ZPBP: variants seen among roughly 807,000 people sequenced by gnomAD.
ZPBP encodes the protein zona pellucida-binding protein 1.
ZPBP carries 26 observed loss-of-function variants against 44.8 expected under a neutral mutation model. The ratio of observed to expected loss-of-function variants is 0.58; its 90% CI spans 0.43 to 0.81. The LOEUF is 0.81. Ranked by LOEUF, ZPBP falls within the 30% of genes least tolerant of loss-of-function variation. ZPBP has a pLI of 0.00. For synonymous variants in ZPBP, 174 were observed against 153.2 expected (o/e 1.14, Z -1.00); for missense variants, 409 against 434.0 (o/e 0.94, Z 0.51).
At chr7:49,913,485 A>G (rs1317705036) in intron 1 of ZPBP, 3 of 152,214 alleles carry the variant, frequency 2.0e-5, no homozygotes. Context: ...TATAATCACT[A>G]TTAATGTCTT....
chr7:49,938,785 T>C (rs760757406), intron 7 of ZPBP, among the ~76,000 whole-genome samples: 1 of 152,202 alleles, frequency 6.6e-6, no homozygotes, highest in Admixed American at 6.5e-5. Context: ...GGAATGTTTA[T>C]TATGGGCCAT....
intron 1 of ZPBP, among the ~76,000 whole-genome samples, chr7:49,929,082 C>T (rs774058510): frequency 6.6e-6 from 1 of 152,200 alleles, no homozygotes; most frequent in Non-Finnish European, 1.5e-5. Context: ...CTCCAAGCCT[C>T]ATCCAAAATT....
At chr7:50,022,491 G>C (rs1799145413) in intron 5 of ZPBP, among the ~76,000 whole-genome samples, 1 of 151,640 alleles carries the variant, frequency 6.6e-6, no homozygotes, top group African/African-American at 2.4e-5. Flanking sequence ...ATAGTTCTCA[G>C]GTTAGCCACC....
At chr7:50,009,263 T>G (rs1478677279) in intron 6 of ZPBP, among the ~76,000 whole-genome samples, 1 of 149,560 alleles carries the variant, frequency 6.7e-6, no homozygotes, top group Admixed American at 6.6e-5. Flanking sequence ...ACATACTGAT[T>G]GGGTATGTTT....
intron 7 of ZPBP, chr7:49,943,128 GT>G: frequency 6.0e-6 from 2 of 332,058 alleles, no homozygotes; most frequent in Middle Eastern, 5.6e-4. Flanking sequence ...AAGTCAGTAA[GT>G]TACTCCACCC....
intron 2 of ZPBP, among the ~76,000 whole-genome samples, chr7:49,888,993 C>A (rs947070191): frequency 3.3e-5 from 5 of 152,156 alleles, no homozygotes; most frequent in Non-Finnish European, 7.3e-5. Flanking sequence ...GGGGATGACC[C>A]ATTGGGCTGA....
chr7:49,985,930 C>A (rs865884521), intron 6 of ZPBP, among the ~76,000 whole-genome samples: 1 of 152,150 alleles, frequency 6.6e-6, no homozygotes, highest in Non-Finnish European at 1.5e-5. Flanking sequence ...GTGTGGTGAC[C>A]TGGTATGCAA....
chr7:49,948,425 T>C (rs569444385), intron 7 of ZPBP, among the ~76,000 whole-genome samples: 3 of 152,148 alleles, frequency 2.0e-5, no homozygotes, highest in Admixed American at 2.0e-4. Flanking sequence ...TTATCAAATA[T>C]AGTGAAAAGG....
At chr7:50,018,179 T>C in intron 6 of ZPBP, 61 bp downstream of exon 6, 2 of 1,241,850 alleles carry the variant, frequency 1.6e-6, no homozygotes, top group Non-Finnish European at 2.4e-6. Flanking sequence ...GGATGCTTAC[T>C]TACACATGGG....
intron 2 of ZPBP, among the ~76,000 whole-genome samples, chr7:50,083,604 T>C (rs1802480967): frequency 6.6e-6 from 1 of 151,880 alleles, no homozygotes; most frequent in Admixed American, 6.6e-5. Context: ...TACTGAGATA[T>C]ATTAACATTT....
intron 1 of ZPBP, chr7:49,914,852 C>G (rs1281113327): frequency 6.6e-6 from 1 of 152,078 alleles, no homozygotes; most frequent in African/African-American, 2.4e-5. Context: ...GAAAAGGGGG[C>G]CTCAGAATTC....
chr7:49,955,842 C>A (rs1795567018), intron 7 of ZPBP, among the ~76,000 whole-genome samples: 1 of 152,014 alleles, frequency 6.6e-6, no homozygotes, highest in African/African-American at 2.4e-5. Flanking sequence ...TAAGAGAACA[C>A]TATGATCAAT....
chr7:49,958,333 T>C (rs937133849), intron 7 of ZPBP, among the ~76,000 whole-genome samples: 1 of 152,182 alleles, frequency 6.6e-6, no homozygotes, highest in Non-Finnish European at 1.5e-5. Context: ...GAGAAAAACA[T>C]GAATTTTTGG....
intron 2 of ZPBP, among the ~76,000 whole-genome samples, chr7:49,873,948 A>C (rs1014677701): frequency 6.6e-6 from 1 of 152,054 alleles, no homozygotes; most frequent in African/African-American, 2.4e-5. Context: ...CAGTATTAGT[A>C]TGATACATTT....
chr7:50,085,196 GA>G (rs1802575015), intron 2 of ZPBP, among the ~76,000 whole-genome samples: 3 of 152,090 alleles, frequency 2.0e-5, no homozygotes, highest in African/African-American at 7.2e-5. Context: ...GAGTGATAGG[GA>G]AAAGATGGCA....
chr7:49,861,794 C>T (rs1465248553), intron 2 of ZPBP, among the ~76,000 whole-genome samples: 1 of 152,172 alleles, frequency 6.6e-6, no homozygotes, highest in Non-Finnish European at 1.5e-5. Flanking sequence ...TGTCAAAAAT[C>T]AGTTGGATGC....
chr7:50,069,817 TC>T (rs1466227493), intron 3 of ZPBP, among the ~76,000 whole-genome samples: 1 of 151,998 alleles, frequency 6.6e-6, no homozygotes, highest in East Asian at 1.9e-4. Context: ...GAACGTGCCT[TC>T]CCCTGTCATA....
intron 7 of ZPBP, among the ~76,000 whole-genome samples, chr7:49,968,778 TTAA>T (rs998079540): frequency 1.2e-4 from 19 of 152,040 alleles, no homozygotes; most frequent in African/African-American, 4.6e-4. Context: ...ATAGTAATTA[TTAA>T]TAATTACTGT....
chr7:50,081,641 A>G, intron 3 of ZPBP, 133 bp downstream of exon 3: 1 of 1,131,198 alleles, frequency 8.8e-7, no homozygotes, highest in Admixed American at 2.1e-5. Flanking sequence ...TGTTAGCTCT[A>G]ACTCCAAAAG....
Sources: allele counts gnomAD v4.1 joint callset (sites outside exome capture counted in the v4.1 genomes callset), GRCh38; gene constraint gnomAD v4.1.1; transcripts MANE v1.5; gene names NCBI Gene and HGNC (gene_info 2026-07-23, HGNC 2026-07-21).